The following LAMP2 variants were observed in gnomAD, a reference collection of about 807,000 sequenced individuals.
LAMP2 encodes lysosome associated membrane protein 2.
Under a neutral mutation model 25.6 loss-of-function variants are expected in LAMP2, and 4 were observed. That is an observed-to-expected ratio of 0.16 (90% CI 0.08 to 0.36). The LOEUF (loss-of-function observed/expected upper bound fraction) is 0.36, where lower values mean the gene tolerates loss of function less well. Among genes scored for constraint, LAMP2 ranks in the 10% least tolerant of loss-of-function variants. LAMP2 has a pLI of 1.00. For missense variants in LAMP2, 272 were observed against 301.4 expected (o/e 0.90, Z 0.72); for synonymous variants, 108 against 112.7 (o/e 0.96, Z 0.27).
At chrX:120,448,774 T>G (rs1172421565) in intron 4 of LAMP2, among the ~76,000 whole-genome samples, 196 bp downstream of exon 4, 2 of 112,253 alleles carry the variant, frequency 1.8e-5, no homozygotes, top group Non-Finnish European at 3.8e-5. Flanking sequence ...TTCCACAACA[T>G]GTACATCAAA....
chrX:120,447,705 A>C, intron 5 of LAMP2, 136 bp downstream of exon 5: 1 of 571,677 alleles, frequency 1.7e-6, no homozygotes, highest in Non-Finnish European at 2.8e-6. Context: ...GCGTGACTCC[A>C]TCTCAAAAAA....
rs1205058030 is a variant in LAMP2 at position 120,426,789 on chromosome X, G to A, written c.*4534C>T. 3.6e-5 allele frequency among the ~76,000 whole-genome samples: 4 copies of A among 111,892 alleles called. No individual in the cohort carries two copies. The highest frequency in any genetic ancestry group is 7.5e-5 in the Non-Finnish European group (4 of 53,104). ...AACCAAATGCTTTTATAACAAATAA[G>A]CAGTTGTTCTCAAAAGAGAACATTT... On this transcript the variant is annotated 3_prime_UTR_variant, in exon 9 of 9. Transcript: ENST00000200639.
At position 120,428,386 on chromosome X, in the gene LAMP2, A is replaced by G. The variant is rs756720313; in HGVS notation, c.*2937T>C. On this transcript the variant is annotated 3_prime_UTR_variant, in exon 9 of 9. Transcript: ENST00000200639. ...TAGGAACTCACTGAAGTTAGTCTGC[A>G]TATCTTAAACAATCTATTGCACAGC... is the stretch of plus-strand genomic sequence containing the variant. 9.6e-7 allele frequency: 1 copy of G among 1,039,978 alleles called. No homozygotes were observed. Among genetic ancestry groups the G allele is most frequent in the Middle Eastern group, 3.1e-4 (1 of 3,195 alleles). The allele number at this position is 1,039,978 out of a possible 1,213,427, so 85.7% of individuals were successfully genotyped here.
chrX:120,448,124 A>G, intron 4 of LAMP2, 99 bp from the exon 5 acceptor site: 2 of 722,391 alleles, frequency 2.8e-6, no homozygotes, highest in African/African-American at 2.1e-5. Flanking sequence ...TAGAAGTCCA[A>G]AAGGGTTATA....
In LAMP2 at chrX:120,431,477, A is replaced by C; in HGVS notation, c.1094-15T>G. ...GCAGTCTTGAGCTAGATGTGGAGAA[A>C]GGACAATTGAGAACAGAAACAGTGA... On this transcript the variant is annotated splice_polypyrimidine_tract_variant and intron_variant, in intron 8 of 8. Coordinates refer to ENST00000200639, the MANE Select transcript of LAMP2 (RefSeq NM_002294.3). The C allele has an allele frequency of 8.5e-7, 1 of 1,182,751 alleles. No homozygotes were observed. The highest frequency in any genetic ancestry group is 1.7e-5 in the African/African-American group (1 of 57,350).
At position 120,428,792 on chromosome X, in the gene LAMP2, A is replaced by T. The variant is rs2058509115; in HGVS notation, c.*2531T>A. 3 of 752,864 alleles carry T rather than the reference A, an allele frequency of 4.0e-6. No homozygotes were observed. Among genetic ancestry groups the T allele is most frequent in the Non-Finnish European group, 4.7e-6 (3 of 638,342 alleles). 62.0% of individuals were successfully genotyped at this position (752,864 alleles called of 1,213,427 possible). A position where few individuals can be genotyped will look rare whatever the true frequency, so the allele number is the denominator to read the frequency against. ...CAATATCTCATTATCACTTTATCTAAAATCACACGAAATTCCTCAGTACGA... is the reference window on the plus strand; with the variant it reads ...CAATATCTCATTATCACTTTATCTATAATCACACGAAATTCCTCAGTACGA... On this transcript the variant is annotated 3_prime_UTR_variant, in exon 9 of 9. Transcript: ENST00000200639.
chrX:120,462,317 T>G (rs1921346872), intron 1 of LAMP2, among the ~76,000 whole-genome samples: 2 of 109,811 alleles, frequency 1.8e-5, no homozygotes, highest in Non-Finnish European at 3.8e-5. Context: ...GCTCAAGAGT[T>G]CAAGACCAGC....
intron 7 of LAMP2, among the ~76,000 whole-genome samples, 167 bp downstream of exon 7, chrX:120,442,432 A>G (rs2058577506): frequency 9.0e-6 from 1 of 111,405 alleles, no homozygotes; most frequent in African/African-American, 3.3e-5. Flanking sequence ...AAAAAGACAG[A>G]ACATCATAGT....
chrX:120,456,035 G>A, intron 2 of LAMP2, among the ~76,000 whole-genome samples: 1 of 77,557 alleles, frequency 1.3e-5, no homozygotes, highest in Non-Finnish European at 2.6e-5. Context: ...CTAAGTAAGC[G>A]ATTTTTTTTT....
chrX:120,439,006 T>C (rs1254083369), intron 8 of LAMP2: 46 of 1,082,407 alleles, frequency 4.2e-5, no homozygotes, highest in Middle Eastern at 3.7e-4. Flanking sequence ...TTGTAGTTGA[T>C]AGTTTTTTGT....
intron 1 of LAMP2, among the ~76,000 whole-genome samples, chrX:120,461,465 C>T (rs1220133319): frequency 1.8e-5 from 2 of 111,655 alleles, no homozygotes; most frequent in African/African-American, 6.5e-5. Flanking sequence ...TTATAGTATA[C>T]AGTAAGTAAT....
At chrX:120,467,343 G>T (rs1213197305) in intron 1 of LAMP2, among the ~76,000 whole-genome samples, 1 of 111,358 alleles carries the variant, frequency 9.0e-6, no homozygotes, top group African/African-American at 3.3e-5. Flanking sequence ...TGCTTAGTTA[G>T]GATGTTTAGC....
chrX:120,454,952 TAC>T (rs201265757), intron 3 of LAMP2, among the ~76,000 whole-genome samples: 3,707 of 100,128 alleles, frequency 0.037, 219 homozygotes, highest in African/African-American at 0.13. Context: ...TATATATATA[TAC>T]ACACACACTA....
At chrX:120,457,406 G>A (rs1204523559) in intron 1 of LAMP2, among the ~76,000 whole-genome samples, 1 of 112,241 alleles carries the variant, frequency 8.9e-6, no homozygotes, top group Non-Finnish European at 1.9e-5. Context: ...AACCAAGGAA[G>A]CAGAGTTGCA....
At chrX:120,451,566 G>C (rs1233334355) in intron 3 of LAMP2, among the ~76,000 whole-genome samples, 1 of 111,389 alleles carries the variant, frequency 9.0e-6, no homozygotes, top group Non-Finnish European at 1.9e-5. Context: ...CCAGGTTAAA[G>C]CGATTCTCCT....
At chrX:120,465,524 C>T (rs965905479) in intron 1 of LAMP2, among the ~76,000 whole-genome samples, 3 of 112,017 alleles carry the variant, frequency 2.7e-5, no homozygotes, top group Admixed American at 9.5e-5. Context: ...TACAATTCAT[C>T]CAAATAAACA....
At chrX:120,438,498 C>T in intron 8 of LAMP2, 4 of 732,997 alleles carry the variant, frequency 5.5e-6, no homozygotes, top group Non-Finnish European at 6.5e-6. Context: ...TTAATACCTA[C>T]TCTAAATTTT....
In LAMP2 at chrX:120,428,459, A is replaced by T. The variant is rs1452279534; in HGVS notation, c.*2864T>A. On this transcript the variant is annotated 3_prime_UTR_variant, in exon 9 of 9. Coordinates refer to ENST00000200639, the MANE Select transcript of LAMP2 (RefSeq NM_002294.3). The stretch of plus-strand genomic sequence containing the variant: ...GAAACGTAACTTCTAATTGAAAAAA[A>T]CAAACAAACACTAGATTTAACTGAT... 1 of 1,148,433 alleles carries T rather than the reference A, an allele frequency of 8.7e-7. No individual in the cohort carries two copies. Among genetic ancestry groups the T allele is most frequent in the Admixed American group, 3.0e-5 (1 of 33,828 alleles). 94.6% of individuals were successfully genotyped at this position (1,148,433 alleles called of 1,213,427 possible).
intron 3 of LAMP2, among the ~76,000 whole-genome samples, chrX:120,449,491 T>C (rs2058612422): frequency 1.8e-5 from 2 of 112,292 alleles, no homozygotes; most frequent in Admixed American, 1.9e-4. Flanking sequence ...GGCAGGTGCC[T>C]GTAATCCCAG....
Sources: gnomAD v4.1 joint callset for allele counts (sites outside exome capture counted in the v4.1 genomes callset) on GRCh38, gnomAD v4.1.1 for gene constraint, MANE v1.5 for transcripts, NCBI Gene and HGNC (gene_info 2026-07-23, HGNC 2026-07-21) for gene names.